The following ZC3HAV1 variants were observed in gnomAD, a reference collection of about 807,000 sequenced individuals.
ZC3HAV1 encodes the protein zinc finger CCCH-type antiviral protein 1.
ZC3HAV1 carries 41 observed loss-of-function variants against 86.6 expected under a neutral mutation model. The observed-to-expected ratio is 0.47, with a 90% CI of 0.37 to 0.61. ZC3HAV1 has a LOEUF of 0.61. Ranked by LOEUF, ZC3HAV1 falls within the 20% of genes least tolerant of loss-of-function variation. The pLI, the probability that ZC3HAV1 is intolerant of heterozygous loss-of-function variation, is 0.00. For missense variants in ZC3HAV1, 964 were observed against 1,141.1 expected (o/e 0.84, Z 2.24); for synonymous variants, 421 against 432.1 (o/e 0.97, Z 0.32).
intron 9 of ZC3HAV1, among the ~76,000 whole-genome samples, chr7:139,057,238 G>C (rs2130670809): frequency 6.6e-6 from 1 of 152,098 alleles, no homozygotes; most frequent in East Asian, 1.9e-4. Flanking sequence ...CACGGCTGTA[G>C]TTGCAGCTAC....
intron 8 of ZC3HAV1, among the ~76,000 whole-genome samples, chr7:139,064,611 A>G (rs894885449): frequency 6.6e-6 from 1 of 152,076 alleles, no homozygotes; most frequent in Non-Finnish European, 1.5e-5. Context: ...CCCCAAGACT[A>G]CTTAGTTTGA....
chr7:139,060,276 C>A (rs778158209), intron 9 of ZC3HAV1: 6 of 985,216 alleles, frequency 6.1e-6, no homozygotes, highest in Non-Finnish European at 7.2e-6. Flanking sequence ...TTTTATACTT[C>A]TCTTGAAGCC....
At chr7:139,093,796 C>G (rs1467572715) in intron 1 of ZC3HAV1, among the ~76,000 whole-genome samples, 2 of 152,186 alleles carry the variant, frequency 1.3e-5, no homozygotes, top group Non-Finnish European at 2.9e-5. Flanking sequence ...GTTTGGTGGT[C>G]TCTTCACACG....
intron 2 of ZC3HAV1, among the ~76,000 whole-genome samples, chr7:139,088,341 A>G (rs953320943): frequency 2.6e-5 from 4 of 152,218 alleles, no homozygotes; most frequent in Non-Finnish European, 4.4e-5. Context: ...GACAGAAACT[A>G]CATTTCCCAG....
chr7:139,089,006 G>A (rs1338388092), intron 2 of ZC3HAV1, among the ~76,000 whole-genome samples: 3 of 150,666 alleles, frequency 2.0e-5, no homozygotes, highest in Non-Finnish European at 4.4e-5. Flanking sequence ...GGAGGCTGAG[G>A]CAGGAGAATT....
Position 139,050,817 on chromosome 7 carries a change from T to C in ZC3HAV1, c.2449+2634A>G, listed in dbSNP as rs533102719. 1.5e-3 allele frequency among the ~76,000 whole-genome samples: 235 copies of C among 152,334 alleles called. 1 individual carries two copies. Among genetic ancestry groups the C allele is most frequent in the African/African-American group, 5.3e-3 (219 of 41,580 alleles). ...TTTCCTCCAAACACTTCTAGGTAAG[T>C]TTCACTGATACATTTAAACTTAATA... On this transcript the variant is annotated intron_variant, in intron 12 of 12. Coordinates refer to ENST00000242351, the MANE Select transcript of ZC3HAV1 (RefSeq NM_020119.4).
chr7:139,083,804 G>C lies in ZC3HAV1; in HGVS notation c.673C>G (p.Gln225Glu). The stretch of plus-strand genomic sequence containing the variant: ...CCTCTGGGCCCTGGGGGATTCTTCT[G>C]CATGTGCTTGCTGTTGCAGATGTCC... ...IQDICNSKHM[Q>E]KNPPGPRAPS... Residue 225 changes from glutamine (Q) to glutamate (E), a missense_variant, in exon 3 of 13, where the codon CAG becomes GAG. Gln to Glu is a conservative substitution (Grantham distance 29, BLOSUM62 2). Transcript: ENST00000242351. 1 of 1,612,802 alleles carries C rather than the reference G, an allele frequency of 6.2e-7. No homozygotes were observed. The highest frequency in any genetic ancestry group is 8.5e-7 in the Non-Finnish European group (1 of 1,179,244).
intron 9 of ZC3HAV1, 41 bp from the exon 10 acceptor site, chr7:139,055,336 A>G: frequency 6.4e-7 from 1 of 1,563,318 alleles, no homozygotes; most frequent in Non-Finnish European, 8.8e-7. Flanking sequence ...TCTCTGCTCC[A>G]CAGGCCCAAG....
chr7:139,062,494 T>G (rs911526210), intron 8 of ZC3HAV1, among the ~76,000 whole-genome samples: 2 of 152,266 alleles, frequency 1.3e-5, no homozygotes, highest in Admixed American at 6.5e-5. Flanking sequence ...TCCTCCATTT[T>G]CTGGCTGCTT....
chr7:139,067,751 C>T (rs545652417), intron 7 of ZC3HAV1, among the ~76,000 whole-genome samples: 43 of 152,246 alleles, frequency 2.8e-4, no homozygotes, highest in African/African-American at 9.9e-4. Context: ...AAAGCATACA[C>T]GTTCATTTAA....
At position 139,064,914 on chromosome 7, in the gene ZC3HAV1, T is replaced by C; in HGVS notation, c.1958A>G (p.Gln653Arg). ...CAGCTCATAGTTCCGTGAGCCCGCC[T>C]GAAATGGCACAACTCCCCTCGGACA... is the stretch of plus-strand genomic sequence containing the variant. ...QSCPRGVVPF[Q>R]AGSRNYELSF... The change falls in exon 8 of 13, where the codon CAG (glutamine) becomes CGG (arginine). Residue 653 changes from glutamine to arginine, a missense_variant. By Grantham distance (43) the Gln-to-Arg change is conservative. Transcript: ENST00000242351. 6.2e-7 allele frequency: 1 copy of C among 1,614,150 alleles called. No individual in the cohort carries two copies. Among genetic ancestry groups the C allele is most frequent in the African/African-American group, 1.3e-5 (1 of 75,036 alleles).
At chr7:139,096,778 A>T (rs1817600555) in intron 1 of ZC3HAV1, among the ~76,000 whole-genome samples, 1 of 152,160 alleles carries the variant, frequency 6.6e-6, no homozygotes, top group Non-Finnish European at 1.5e-5. Flanking sequence ...CCCCCAAGGA[A>T]TTATATGTTT....
chr7:139,091,780 A>G (rs1033667512), intron 1 of ZC3HAV1, among the ~76,000 whole-genome samples: 1 of 151,914 alleles, frequency 6.6e-6, no homozygotes, highest in African/African-American at 2.4e-5. Flanking sequence ...CCACCCTAAT[A>G]TTCTTCTTGA....
At chr7:139,093,431 G>C (rs1817488422) in intron 1 of ZC3HAV1, among the ~76,000 whole-genome samples, 1 of 152,214 alleles carries the variant, frequency 6.6e-6, no homozygotes, top group African/African-American at 2.4e-5. Flanking sequence ...TCAGGCCTCT[G>C]AGCCCAAGCT....
chr7:139,071,584 G>A (rs1037732842), intron 7 of ZC3HAV1, among the ~76,000 whole-genome samples: 4 of 152,102 alleles, frequency 2.6e-5, no homozygotes, highest in African/African-American at 4.8e-5. Flanking sequence ...TGACAGAATC[G>A]CTTATTTGAC....
intron 1 of ZC3HAV1, among the ~76,000 whole-genome samples, chr7:139,094,861 T>C (rs1452088562): frequency 6.6e-6 from 1 of 152,182 alleles, no homozygotes; most frequent in Non-Finnish European, 1.5e-5. Context: ...TCAGATTTGA[T>C]TCTGAGTTAG....
At position 139,088,058 on chromosome 7, in the gene ZC3HAV1, A is replaced by G. The variant is rs532593856; in HGVS notation, c.444+1566T>C. 2.6e-3 allele frequency among the ~76,000 whole-genome samples: 393 copies of G among 151,448 alleles called. 1 individual carries two copies. Among genetic ancestry groups the G allele is most frequent in the Middle Eastern group, 6.8e-3 (2 of 294 alleles). On this transcript the variant is annotated intron_variant, in intron 2 of 12. Coordinates refer to ENST00000242351, the MANE Select transcript of ZC3HAV1 (RefSeq NM_020119.4). ...AAAAAAAAAAAAAAAAAAAAAAAGAAAAAAGAAAAAAAAAGTGCAACTGAA... is the reference window on the plus strand; with the variant it reads ...AAAAAAAAAAAAAAAAAAAAAAAGAGAAAAGAAAAAAAAAGTGCAACTGAA...
chr7:139,051,672 C>T lies in ZC3HAV1; in HGVS notation c.2449+1779G>A, dbSNP rs564795101. Among the ~76,000 whole-genome samples the T allele has an allele frequency of 8.5e-5, 13 of 152,344 alleles. No individual in the cohort carries two copies. In the South Asian group the frequency reaches 2.7e-3, roughly 32 times the overall value. ...CTCCTGGGCTCAAGTGATCCTCCCA[C>T]CTCAGCCTCCCAAAGTACAGGAATT... On this transcript the variant is annotated intron_variant, in intron 12 of 12. Coordinates refer to ENST00000242351, the MANE Select transcript of ZC3HAV1 (RefSeq NM_020119.4).
chr7:139,058,572 T>C (rs576115306), intron 9 of ZC3HAV1, among the ~76,000 whole-genome samples: 107 of 152,184 alleles, frequency 7.0e-4, no homozygotes, highest in Middle Eastern at 3.4e-3. Context: ...CATAAGTAAC[T>C]GTATTACAAG....
Sources: gnomAD v4.1 joint callset for allele counts (sites outside exome capture counted in the v4.1 genomes callset) on GRCh38, gnomAD v4.1.1 for gene constraint, MANE v1.5 for transcripts, NCBI Gene and HGNC (gene_info 2026-07-23, HGNC 2026-07-21) for gene names.